CYP7B1: variants seen among roughly 807,000 people sequenced by gnomAD.
CYP7B1 encodes cytochrome P450 family 7 subfamily B member 1, also known as cytochrome P450 7B1.
A neutral mutation model predicts 42.7 loss-of-function variants in CYP7B1; 29 were observed. That is an observed-to-expected ratio of 0.68 (90% CI 0.51 to 0.93). The LOEUF is 0.93. Among genes scored for constraint, CYP7B1 ranks in the 40% least tolerant of loss-of-function variants. CYP7B1 has a pLI of 0.00. For synonymous variants in CYP7B1, 235 were observed against 218.2 expected, an observed-to-expected ratio of 1.08 and a Z score of -0.68; for missense variants, 655 against 600.5, an observed-to-expected ratio of 1.09 and a Z score of -0.95.
At chr8:64,647,720 C>T (rs978466026) in intron 1 of CYP7B1, among the ~76,000 whole-genome samples, 1 of 152,108 alleles carries the variant, frequency 6.6e-6, no homozygotes, top group African/African-American at 2.4e-5. Context: ...TTCCTCCTCC[C>T]TCCACATTTT....
At chr8:64,671,982 T>C (rs550946575) in intron 1 of CYP7B1, among the ~76,000 whole-genome samples, 2 of 152,266 alleles carry the variant, frequency 1.3e-5, no homozygotes, top group African/African-American at 4.8e-5. Context: ...TACATTTAGA[T>C]TGGGTGGTCA....
intron 1 of CYP7B1, among the ~76,000 whole-genome samples, chr8:64,647,376 T>C (rs193099149): frequency 6.6e-6 from 1 of 152,128 alleles, no homozygotes; most frequent in Admixed American, 6.5e-5. Context: ...AGTGAGCACA[T>C]GGTGTTGCAA....
intron 1 of CYP7B1, among the ~76,000 whole-genome samples, chr8:64,695,021 C>G (rs1286333860): frequency 6.6e-6 from 1 of 152,108 alleles, no homozygotes; most frequent in East Asian, 1.9e-4. Flanking sequence ...GACATTTAAG[C>G]AAAACTCAAG....
rs118007951 is a variant in CYP7B1, at chr8:64,638,220, G to A, written c.123-13681C>T. The stretch of plus-strand genomic sequence containing the variant: ...TATGCTTTCTCTTTTTCATGATGGC[G>A]ACTTTCCTCACTAGCTCCAGATCCT... On this transcript the variant is annotated intron_variant, in intron 1 of 5. Coordinates refer to ENST00000310193, the MANE Select transcript of CYP7B1 (RefSeq NM_004820.5). Among the ~76,000 whole-genome samples, 720 of 151,456 alleles carry A rather than the reference G, an allele frequency of 4.8e-3. 22 individuals are homozygous for A. The highest frequency in any genetic ancestry group is 0.045 in the Admixed American group (678 of 15,212).
At chr8:64,742,498 C>G (rs1807585018) in intron 1 of CYP7B1, among the ~76,000 whole-genome samples, 1 of 152,154 alleles carries the variant, frequency 6.6e-6, no homozygotes, top group South Asian at 2.1e-4. Context: ...TTTATATTCT[C>G]TGTTAAAATA....
At chr8:64,755,171 G>A (rs911072856) in intron 1 of CYP7B1, among the ~76,000 whole-genome samples, 1 of 152,164 alleles carries the variant, frequency 6.6e-6, no homozygotes, top group Non-Finnish European at 1.5e-5. Context: ...GTGCATATGT[G>A]TGTGTGCGTG....
In CYP7B1 at chr8:64,596,679, T is replaced by A. The variant is rs1040669630; in HGVS notation, c.1484A>T (p.Asp495Val). The change falls in exon 6 of 6, where the codon GAT becomes GTT. Residue 495 changes from aspartate to valine, a missense_variant. Physicochemically the swap from Asp to Val is radical, Grantham distance 152. Coordinates refer to ENST00000310193, the MANE Select transcript of CYP7B1 (RefSeq NM_004820.5). Reference sequence around the variant, plus strand: ...TTTGTATCTAAATAAAACATCAGAATCTGGATACTGAATACCAAACAACAA... The same window carrying A: ...TTTGTATCTAAATAAAACATCAGAAACTGGATACTGAATACCAAACAACAA... ...SRLLFGIQYPDSDVLFRYKVK... is the reference protein window; with the variant it reads ...SRLLFGIQYPVSDVLFRYKVK... 3 of 1,613,536 alleles carry A rather than the reference T, an allele frequency of 1.9e-6. No individual in the cohort carries two copies. Among genetic ancestry groups the A allele is most frequent in the Non-Finnish European group, 2.5e-6 (3 of 1,179,770 alleles).
intron 1 of CYP7B1, among the ~76,000 whole-genome samples, chr8:64,677,878 T>C (rs1294256511): frequency 1.3e-5 from 2 of 152,060 alleles, no homozygotes; most frequent in African/African-American, 4.8e-5. Flanking sequence ...TTGTTATTAT[T>C]ACTGAGGAGT....
chr8:64,708,151 T>A (rs1347847994), intron 1 of CYP7B1, among the ~76,000 whole-genome samples: 2 of 152,170 alleles, frequency 1.3e-5, no homozygotes, highest in Non-Finnish European at 2.9e-5. Flanking sequence ...TGATGTTGGA[T>A]AACAGATTAT....
At chr8:64,659,668 G>A (rs1425077630) in intron 1 of CYP7B1, among the ~76,000 whole-genome samples, 1 of 152,090 alleles carries the variant, frequency 6.6e-6, no homozygotes, top group African/African-American at 2.4e-5. Flanking sequence ...GCATAATCAC[G>A]GTTATTCATA....
chr8:64,781,374 AT>A (rs952484832), intron 1 of CYP7B1, among the ~76,000 whole-genome samples: 2 of 151,968 alleles, frequency 1.3e-5, no homozygotes, highest in Non-Finnish European at 2.9e-5. Context: ...ACAAAAGTTC[AT>A]TTTTTTTACA....
At chr8:64,686,295 A>G (rs868332872) in intron 1 of CYP7B1, among the ~76,000 whole-genome samples, 458 of 7,354 alleles carry the variant, frequency 0.062, no homozygotes, top group Admixed American at 0.13. Context: ...TCGGCCCCCC[A>G]CCCGGCCAGC....
chr8:64,607,044 T>C (rs1428506216), intron 4 of CYP7B1, among the ~76,000 whole-genome samples: 3 of 152,204 alleles, frequency 2.0e-5, no homozygotes, highest in African/African-American at 4.8e-5. Flanking sequence ...AGGACTTCCA[T>C]GCTGCACCAG....
At chr8:64,682,607 C>A (rs1806555866) in intron 1 of CYP7B1, among the ~76,000 whole-genome samples, 1 of 152,184 alleles carries the variant, frequency 6.6e-6, no homozygotes, top group East Asian at 1.9e-4. Context: ...TTCTCAGTTC[C>A]TCTGTCTGTG....
At chr8:64,713,297 A>T (rs912785412) in intron 1 of CYP7B1, among the ~76,000 whole-genome samples, 6 of 152,150 alleles carry the variant, frequency 3.9e-5, no homozygotes, top group Non-Finnish European at 5.9e-5. Flanking sequence ...CCATCATCCC[A>T]AACCATAAAA....
intron 1 of CYP7B1, among the ~76,000 whole-genome samples, chr8:64,730,284 G>C (rs746163501): frequency 6.1e-4 from 93 of 151,632 alleles, no homozygotes; most frequent in Non-Finnish European, 9.7e-4. Context: ...TGGCCAGGTT[G>C]GTCTCAAACT....
At chr8:64,611,399 T>G (rs75772462) in intron 4 of CYP7B1, among the ~76,000 whole-genome samples, 1,935 of 152,264 alleles carry the variant, frequency 0.013, 45 homozygotes, top group African/African-American at 0.043. Context: ...TCTATAAGAT[T>G]GCTTTGAAAT....
chr8:64,667,447 G>A (rs1806298508), intron 1 of CYP7B1, among the ~76,000 whole-genome samples: 1 of 152,082 alleles, frequency 6.6e-6, no homozygotes, highest in African/African-American at 2.4e-5. Flanking sequence ...ATCCTAACAA[G>A]CCACCAATTT....
intron 1 of CYP7B1, among the ~76,000 whole-genome samples, chr8:64,681,978 G>A (rs1806545640): frequency 6.6e-6 from 1 of 152,176 alleles, no homozygotes; most frequent in South Asian, 2.1e-4. Flanking sequence ...CAATGTAGAA[G>A]CATAACTGAG....
Sources: gnomAD v4.1 joint callset for allele counts (sites outside exome capture counted in the v4.1 genomes callset) on GRCh38, gnomAD v4.1.1 for gene constraint, MANE v1.5 for transcripts, NCBI Gene and HGNC (gene_info 2026-07-23, HGNC 2026-07-21) for gene names.